Variants in ACACA observed in about 807,000 individuals in gnomAD.
ACACA encodes acetyl-CoA carboxylase alpha.
Under a neutral mutation model 296.1 loss-of-function variants are expected in ACACA, and 103 were observed. That is an observed-to-expected ratio of 0.35 (90% CI 0.30 to 0.41). The LOEUF is 0.41. Ranked by LOEUF, ACACA falls within the 10% of genes least tolerant of loss-of-function variation. The pLI is 1.00. For synonymous variants in ACACA, 953 were observed against 1,038.6 expected, an observed-to-expected ratio of 0.92 and a Z score of 1.58; for missense variants, 1,554 against 2,989.7, an observed-to-expected ratio of 0.52 and a Z score of 11.20.
intron 45 of ACACA, among the ~76,000 whole-genome samples, chr17:37,134,279 A>G (rs977616753): frequency 1.8e-4 from 28 of 152,296 alleles, no homozygotes; most frequent in Admixed American, 3.9e-4. Flanking sequence ...TCTCTCCCTT[A>G]AAGCCCTTTT....
In ACACA at chr17:37,283,378, C is replaced by T; in HGVS notation, c.499G>A (p.Ala167Thr). Residue 167 changes from alanine to threonine, a missense_variant, in exon 5 of 56, where the codon GCA becomes ACA. Coordinates refer to ENST00000616317, the MANE Select transcript of ACACA (RefSeq NM_198834.3). ...KVLIANNGIA[A>T]VKCMRSIRRW... ...CGGATAGACCGCATGCATTTCACTGCTGCAATGCCATTGTTAGCAATAAGA... is the reference window on the plus strand; with the variant it reads ...CGGATAGACCGCATGCATTTCACTGTTGCAATGCCATTGTTAGCAATAAGA... 1 of 1,614,090 alleles carries T rather than the reference C, an allele frequency of 6.2e-7. No individual in the cohort carries two copies. Among genetic ancestry groups the T allele is most frequent in the South Asian group, 1.1e-5 (1 of 91,084 alleles).
intron 26 of ACACA, 155 bp from the exon 27 acceptor site, chr17:37,225,260 T>A (rs1370712859): frequency 4.8e-6 from 3 of 629,852 alleles, no homozygotes; most frequent in Non-Finnish European, 8.7e-6. Context: ...CTAGGTCCTG[T>A]AACATAAAGC....
chr17:37,282,516 T>C (rs1264470689), intron 5 of ACACA, among the ~76,000 whole-genome samples: 1 of 152,182 alleles, frequency 6.6e-6, no homozygotes, highest in East Asian at 1.9e-4. Context: ...TATAATAACC[T>C]TTCTTTCTTA....
chr17:37,221,345 A>G (rs1250151765), intron 29 of ACACA, among the ~76,000 whole-genome samples: 3 of 152,240 alleles, frequency 2.0e-5, no homozygotes, highest in African/African-American at 7.2e-5. Flanking sequence ...AGAAAAGAAA[A>G]GCATTCCACC....
chr17:37,102,653 T>C lies in ACACA; in HGVS notation c.6566-4669A>G, dbSNP rs1180060782. On this transcript the variant is annotated intron_variant, in intron 52 of 55. Coordinates refer to ENST00000616317, the MANE Select transcript of ACACA (RefSeq NM_198834.3). ...GGAAACCAGCTGGAGAGTTGGTTTG[T>C]TGTTCGCAAGGAGTTAAGAGCAAGG... Among the ~76,000 whole-genome samples, 5 of 152,188 alleles carry C rather than the reference T, an allele frequency of 3.3e-5. No individual in the cohort carries two copies. In the East Asian group the frequency reaches 9.6e-4, roughly 29 times the overall value.
chr17:37,338,883 T>C (rs1295416781), intron 2 of ACACA, among the ~76,000 whole-genome samples: 1 of 150,088 alleles, frequency 6.7e-6, no homozygotes, highest in African/African-American at 2.5e-5. Context: ...GAGGTTGCAG[T>C]GTGCCGAGAT....
intron 45 of ACACA, among the ~76,000 whole-genome samples, chr17:37,146,757 G>C (rs1250119702): frequency 6.6e-6 from 1 of 151,616 alleles, no homozygotes; most frequent in Non-Finnish European, 1.5e-5. Context: ...GTTCACTCAA[G>C]TGTGAAAAAA....
rs1274982493 is a variant in ACACA, at chr17:37,142,001, TG to T, written c.5679+7862del. Among the ~76,000 whole-genome samples, 641 of 119,566 alleles carry T rather than the reference TG, an allele frequency of 5.4e-3. 2 individuals carry two copies. The highest frequency in any genetic ancestry group is 0.019 in the African/African-American group (605 of 31,972). 78.4% of individuals were successfully genotyped at this position (119,566 alleles called of 152,430 possible). On this transcript the variant is annotated intron_variant, in intron 45 of 55. Coordinates refer to ENST00000616317, the MANE Select transcript of ACACA (RefSeq NM_198834.3). Reference sequence around the variant, plus strand: ...CCACCATGCCTGGCCAAGTTTTTTTTGTTTTTTTTTGTTTTTTTTTTTTTAA... The same window carrying T: ...CCACCATGCCTGGCCAAGTTTTTTTTTTTTTTTTTGTTTTTTTTTTTTTAA...
chr17:37,256,252 T>C (rs1160815527), intron 14 of ACACA, among the ~76,000 whole-genome samples: 4 of 152,190 alleles, frequency 2.6e-5, no homozygotes, highest in Non-Finnish European at 5.9e-5. Flanking sequence ...TTGCAAGCTC[T>C]AGTGTAAACC....
At chr17:37,090,794 C>T (rs780780399) in intron 54 of ACACA, among the ~76,000 whole-genome samples, 2 of 152,150 alleles carry the variant, frequency 1.3e-5, no homozygotes, top group Non-Finnish European at 2.9e-5. Flanking sequence ...TCAACATTTC[C>T]ATTTCCATCA....
At chr17:37,305,559 G>A (rs968139380) in intron 3 of ACACA, among the ~76,000 whole-genome samples, 3 of 152,212 alleles carry the variant, frequency 2.0e-5, no homozygotes, top group African/African-American at 7.2e-5. Flanking sequence ...TGCCCTAGCT[G>A]TTACTTTCCG....
At chr17:37,198,210 T>C (rs1598146767) in intron 35 of ACACA, among the ~76,000 whole-genome samples, 1 of 152,236 alleles carries the variant, frequency 6.6e-6, no homozygotes, top group African/African-American at 2.4e-5. Context: ...TGAGAACTAA[T>C]CACTTTGGTT....
At chr17:37,250,594 C>G (rs1322299226) in intron 16 of ACACA, among the ~76,000 whole-genome samples, 2 of 151,922 alleles carry the variant, frequency 1.3e-5, no homozygotes, top group African/African-American at 4.8e-5. Flanking sequence ...GCAGAGATCA[C>G]GCCACTGCAC....
chr17:37,169,188 T>C (rs766685496), intron 41 of ACACA, among the ~76,000 whole-genome samples: 14 of 152,222 alleles, frequency 9.2e-5, no homozygotes, highest in Non-Finnish European at 1.5e-4. Flanking sequence ...ATAATCCAGT[T>C]GTGATGCACA....
chr17:37,231,261 T>A (rs553711215), intron 25 of ACACA, among the ~76,000 whole-genome samples: 5 of 150,968 alleles, frequency 3.3e-5, no homozygotes, highest in Admixed American at 2.6e-4. Flanking sequence ...CACAGTTGAC[T>A]GACAGAAGAA....
chr17:37,288,756 G>A (rs893623450), intron 3 of ACACA, among the ~76,000 whole-genome samples: 1 of 151,824 alleles, frequency 6.6e-6, no homozygotes, highest in East Asian at 1.9e-4. Flanking sequence ...AAAATTAGCC[G>A]GCCTTGGTGG....
rs2078197746 is a variant in ACACA at position 37,200,466 on chromosome 17, G to A, written c.4074C>T (p.Asp1358=). 3 of 1,613,022 alleles carry A rather than the reference G, an allele frequency of 1.9e-6. No homozygotes were observed. Among genetic ancestry groups the A allele is most frequent in the Non-Finnish European group, 2.5e-6 (3 of 1,179,042 alleles). ...FTQQNKATLV[D]HGIRRLTFLV... ...GGAAAGTAAGGCGCCGGATCCCATG[G>A]TCAACCAGGGTAGCTTTCTAGGAGC... Residue 1358 remains aspartate (D), a synonymous_variant, in exon 34 of 56, where the codon GAC becomes GAT. Transcript: ENST00000616317.
Position 37,113,196 on chromosome 17 carries a change from A to C in ACACA, c.6344T>G (p.Val2115Gly). ...AGCCTGGGGAGGAATGTAAACCAGC[A>C]CAGGCTGGCAGCACTCCCTCAAGCC... The part of the protein sequence containing the change: ...VDGLRECCQP[V>G]LVYIPPQAEL... Residue 2115 changes from valine (V) to glycine (G), a missense_variant, in exon 51 of 56, where the codon GTG becomes GGG. This residue lies in a region of ACACA where 553 missense variants were observed against 1,043.6 expected (regional missense o/e 0.53). Transcript: ENST00000616317. This position sits in a 1 kb window ranked among gnomAD's most constrained non-coding sequence, Gnocchi z 4.0. 6.2e-7 allele frequency: 1 copy of C among 1,614,228 alleles called. No individual in the cohort carries two copies. Among genetic ancestry groups the C allele is most frequent in the Non-Finnish European group, 8.5e-7 (1 of 1,180,032 alleles).
intron 33 of ACACA, 134 bp downstream of exon 33, chr17:37,205,631 A>C (rs978433241): frequency 1.7e-5 from 13 of 752,482 alleles, no homozygotes; most frequent in Non-Finnish European, 3.0e-5. Context: ...TTATCCCTAA[A>C]TGCAGAACTA....
Sources: gnomAD v4.1 joint callset for allele counts (sites outside exome capture counted in the v4.1 genomes callset) on GRCh38, gnomAD v4.1.1 for gene constraint, gnomAD v4.1.1 regional missense constraint, Gnocchi (gnomAD v3.1) non-coding constraint, MANE v1.5 for transcripts, NCBI Gene and HGNC (gene_info 2026-07-23, HGNC 2026-07-21) for gene names.